CCBE1: variants seen among roughly 807,000 people sequenced by gnomAD.
CCBE1 encodes the protein collagen and calcium-binding EGF domain-containing protein 1.
In CCBE1, 37 loss-of-function variants were observed where a neutral mutation model predicts 50.0. That is an observed-to-expected ratio of 0.74 (90% CI 0.57 to 0.97). CCBE1 has a LOEUF of 0.97. Among genes scored for constraint, CCBE1 ranks in the 50% least tolerant of loss-of-function variants. The probability of loss-of-function intolerance (pLI) is 0.00; values close to 1 mark genes in which losing one functional copy is unlikely to be tolerated. For synonymous variants in CCBE1, 234 were observed against 203.7 expected, an observed-to-expected ratio of 1.15 and a Z score of -1.27; for missense variants, 538 against 523.8, an observed-to-expected ratio of 1.03 and a Z score of -0.26.
intron 2 of CCBE1, among the ~76,000 whole-genome samples, chr18:59,637,079 C>T (rs2144637650): frequency 6.6e-6 from 1 of 152,236 alleles, no homozygotes; most frequent in South Asian, 2.1e-4. Context: ...AATGCATTAC[C>T]TTAAGAAAAG....
At chr18:59,524,772 G>C (rs1029236407) in intron 2 of CCBE1, among the ~76,000 whole-genome samples, 1 of 151,978 alleles carries the variant, frequency 6.6e-6, no homozygotes, top group African/African-American at 2.4e-5. Context: ...ATAGGCCCCA[G>C]TATGTGCTGT....
At chr18:59,696,833 G>T in intron 1 of CCBE1, 124 bp from the exon 2 acceptor site, 1 of 1,087,590 alleles carries the variant, frequency 9.2e-7, no homozygotes. Context: ...CTGGGCAGGG[G>T]CTGGTCCCCA....
intron 2 of CCBE1, among the ~76,000 whole-genome samples, chr18:59,600,254 C>A (rs755341317): frequency 6.6e-6 from 1 of 151,858 alleles, no homozygotes; most frequent in South Asian, 2.1e-4. Context: ...CTCTTGTGAG[C>A]TGTGTATGTG....
rs34017366 is a variant in CCBE1 at position 59,595,224 on chromosome 18, CTT to C, written c.212+101403_212+101404del. Among the ~76,000 whole-genome samples the C allele has an allele frequency of 2.4e-3, 333 of 140,564 alleles. 2 individuals carry two copies. Among genetic ancestry groups the C allele is most frequent in the African/African-American group, 8.1e-3 (311 of 38,582 alleles). 92.2% of individuals were successfully genotyped at this position (140,564 alleles called of 152,430 possible). A position where few individuals can be genotyped will look rare whatever the true frequency, so the allele number is the denominator to read the frequency against. ...CCTGGCCAGTATCTACTGTTTTTTG[CTT>C]TTTTTTTTTTTTCTTGACAAGGACC... On this transcript the variant is annotated intron_variant, in intron 2 of 10. Coordinates refer to ENST00000439986, the MANE Select transcript of CCBE1 (RefSeq NM_133459.4).
chr18:59,539,317 G>A (rs960350216), intron 2 of CCBE1, among the ~76,000 whole-genome samples: 2 of 152,190 alleles, frequency 1.3e-5, no homozygotes, highest in Non-Finnish European at 2.9e-5. Context: ...ACACTGAAGA[G>A]GCACATTTCA....
intron 2 of CCBE1, among the ~76,000 whole-genome samples, chr18:59,515,897 GT>G (rs1914348073): frequency 6.6e-6 from 1 of 152,216 alleles, no homozygotes; most frequent in Non-Finnish European, 1.5e-5. Context: ...GACAAAAGGG[GT>G]AATCCAAGTA....
chr18:59,495,521 C>A (rs1913312373), intron 2 of CCBE1, among the ~76,000 whole-genome samples: 1 of 151,492 alleles, frequency 6.6e-6, no homozygotes, highest in Non-Finnish European at 1.5e-5. Flanking sequence ...CCCTTTTTAA[C>A]TCTCTGGCTT....
intron 2 of CCBE1, among the ~76,000 whole-genome samples, chr18:59,552,221 G>A (rs1348301285): frequency 6.6e-6 from 1 of 152,112 alleles, no homozygotes; most frequent in Non-Finnish European, 1.5e-5. Flanking sequence ...ACACAACATC[G>A]CTTCGGGCAC....
chr18:59,524,546 A>G (rs1914739021), intron 2 of CCBE1, among the ~76,000 whole-genome samples: 1 of 152,230 alleles, frequency 6.6e-6, no homozygotes, highest in South Asian at 2.1e-4. Context: ...AGAAACATAG[A>G]TAAGTAACCT....
intron 2 of CCBE1, among the ~76,000 whole-genome samples, chr18:59,691,073 TTAAA>T (rs1278207860): frequency 6.6e-6 from 1 of 152,230 alleles, no homozygotes; most frequent in East Asian, 1.9e-4. Context: ...AGCTCAGATT[TTAAA>T]TAAAGCACAT....
At chr18:59,476,981 A>G (rs926666462) in intron 3 of CCBE1, among the ~76,000 whole-genome samples, 4 of 152,214 alleles carry the variant, frequency 2.6e-5, no homozygotes, top group African/African-American at 4.8e-5. Flanking sequence ...TCCTGTTCCT[A>G]TAACTTTATG....
rs796699423 is a variant in CCBE1 at position 59,523,302 on chromosome 18, C to T, written c.213-43064G>A. Among the ~76,000 whole-genome samples the T allele has an allele frequency of 5.9e-4, 90 of 151,416 alleles. 1 individual carries two copies. The highest frequency in any genetic ancestry group is 2.0e-3 in the African/African-American group (81 of 41,264). ...TGGTTGGGCAGAGCCCAGTGGTGGG[C>T]AAGCTACTGTGACAGAGAGACAGTG... On this transcript the variant is annotated intron_variant, in intron 2 of 10. Transcript: ENST00000439986.
chr18:59,551,496 G>A (rs1915928679), intron 2 of CCBE1, among the ~76,000 whole-genome samples: 1 of 152,114 alleles, frequency 6.6e-6, no homozygotes, highest in Admixed American at 6.5e-5. Context: ...AGCACACCAC[G>A]ATGCCACCAT....
At chr18:59,618,739 C>A (rs748923992) in intron 2 of CCBE1, among the ~76,000 whole-genome samples, 2 of 152,120 alleles carry the variant, frequency 1.3e-5, no homozygotes, top group South Asian at 2.1e-4. Flanking sequence ...AGAAAAGTTT[C>A]TTTGCAGCTA....
intron 2 of CCBE1, among the ~76,000 whole-genome samples, chr18:59,596,439 G>A (rs1204944657): frequency 3.9e-5 from 6 of 152,166 alleles, no homozygotes; most frequent in Non-Finnish European, 8.8e-5. Context: ...TCAATACCTA[G>A]ATCATTTAGT....
intron 2 of CCBE1, among the ~76,000 whole-genome samples, chr18:59,507,612 C>T (rs1913935439): frequency 6.6e-6 from 1 of 152,202 alleles, no homozygotes; most frequent in Non-Finnish European, 1.5e-5. Context: ...GTGGCTGTTT[C>T]CTTTGCTGTC....
intron 2 of CCBE1, among the ~76,000 whole-genome samples, chr18:59,483,532 GC>G (rs1912673991): frequency 6.6e-6 from 1 of 152,174 alleles, no homozygotes; most frequent in Admixed American, 6.5e-5. Context: ...AATTTGGTCT[GC>G]CAGGTAAATT....
chr18:59,569,586 A>G (rs564096281), intron 2 of CCBE1, among the ~76,000 whole-genome samples: 59 of 151,994 alleles, frequency 3.9e-4, no homozygotes, highest in Non-Finnish European at 6.5e-4. Context: ...TTTTTACACA[A>G]TGTTGAACAC....
At chr18:59,663,074 A>G (rs779515914) in intron 2 of CCBE1, among the ~76,000 whole-genome samples, 18 of 151,854 alleles carry the variant, frequency 1.2e-4, no homozygotes, top group Admixed American at 3.9e-4. Context: ...GATTTACTGA[A>G]TATTTCCCAT....
Sources: allele counts gnomAD v4.1 joint callset (sites outside exome capture counted in the v4.1 genomes callset), GRCh38; gene constraint gnomAD v4.1.1; transcripts MANE v1.5; gene names NCBI Gene and HGNC (gene_info 2026-07-23, HGNC 2026-07-21).